Variants in KHDC1 observed in about 807,000 individuals in gnomAD.
The protein encoded by KHDC1 is KH homology domain-containing protein 1.
KHDC1 carries 21 observed loss-of-function variants against 24.7 expected under a neutral mutation model. That is an observed-to-expected ratio of 0.85 (90% CI 0.60 to 1.23). The LOEUF (loss-of-function observed/expected upper bound fraction) is 1.23. Among genes scored for constraint, KHDC1 ranks in the 50% most tolerant of loss-of-function variants. The pLI, the probability that KHDC1 is intolerant of heterozygous loss-of-function variation, is 0.00. For missense variants in KHDC1, 274 were observed against 298.5 expected (o/e 0.92, Z 0.61); for synonymous variants, 98 against 111.7 (o/e 0.88, Z 0.77).
At chr6:73,253,354 C>T (rs1766817011) in intron 2 of KHDC1, among the ~76,000 whole-genome samples, 1 of 150,684 alleles carries the variant, frequency 6.6e-6, no homozygotes, top group Non-Finnish European at 1.5e-5. Context: ...AGGAGATCAA[C>T]CATCCCGGCT....
chr6:73,241,930 G>A (rs1434203238), intron 4 of KHDC1, 125 bp downstream of exon 3: 13 of 1,154,422 alleles, frequency 1.1e-5, no homozygotes, highest in Non-Finnish European at 1.6e-5. Flanking sequence ...TCTTCCCAAT[G>A]GACTCTGGGA....
At chr6:73,296,572 T>A (rs889892562) in intron 1 of KHDC1, among the ~76,000 whole-genome samples, 1 of 152,136 alleles carries the variant, frequency 6.6e-6, no homozygotes, top group African/African-American at 2.4e-5. Flanking sequence ...CATAAGTGGG[T>A]TGCAAAAACT....
At chr6:73,305,269 T>G (rs61400658) in intron 1 of KHDC1, among the ~76,000 whole-genome samples, 14,202 of 151,026 alleles carry the variant, frequency 0.094, 762 homozygotes, top group East Asian at 0.19. Flanking sequence ...ATAAAAAATA[T>G]AGAGAGAGAT....
At chr6:73,290,794 ACTAT>A (rs1289165449) in intron 2 of KHDC1, 1 of 334,836 alleles carries the variant, frequency 3.0e-6, no homozygotes, top group East Asian at 7.4e-5. Context: ...TCTAGGGCTA[ACTAT>A]CAGCCTCTCT....
intron 2 of KHDC1, chr6:73,268,686 G>T (rs971145266): frequency 6.6e-6 from 1 of 152,382 alleles, no homozygotes; most frequent in Non-Finnish European, 1.5e-5. Flanking sequence ...GATACAGAGT[G>T]TTGACTGGTG....
chr6:73,259,616 C>A (rs1336011068), intron 2 of KHDC1, among the ~76,000 whole-genome samples: 1 of 152,150 alleles, frequency 6.6e-6, no homozygotes, highest in Admixed American at 6.6e-5. Flanking sequence ...GAAGCAGTCA[C>A]ATACTAGTTA....
chr6:73,254,532 G>A (rs530590474), intron 2 of KHDC1, among the ~76,000 whole-genome samples: 2 of 151,216 alleles, frequency 1.3e-5, no homozygotes, highest in Non-Finnish European at 3.0e-5. Flanking sequence ...GTAGCTATAA[G>A]AAATTACAAG....
intron 1 of KHDC1, chr6:73,292,116 A>C: frequency 6.3e-7 from 1 of 1,597,532 alleles, no homozygotes; most frequent in Non-Finnish European, 8.6e-7. Flanking sequence ...AACATGGTAG[A>C]CTTTGCTATG....
chr6:73,263,953 CTT>C (rs1264100916), intron 2 of KHDC1, among the ~76,000 whole-genome samples: 2 of 152,322 alleles, frequency 1.3e-5, no homozygotes, highest in Admixed American at 1.3e-4. Context: ...AATCCCAACA[CTT>C]TGGGAGGCCA....
intron 1 of KHDC1, chr6:73,292,471 G>T (rs1250875859): frequency 3.9e-6 from 3 of 772,146 alleles, no homozygotes; most frequent in Non-Finnish European, 7.3e-6. Context: ...GTTCACTCTG[G>T]GGAAAGCTGG....
At position 73,242,184 on chromosome 6, in the gene KHDC1, G is replaced by A; in HGVS notation, c.385C>T (p.Gln129Ter). 6.2e-7 allele frequency: 1 copy of A among 1,614,154 alleles called. No homozygotes were observed. The highest frequency in any genetic ancestry group is 8.5e-7 in the Non-Finnish European group (1 of 1,180,028). ...GTAGCTGTGAACCAACTCTCCAGCT[G>A]AATAAGGGTGTGGCTGTGCACCTCA... is the stretch of plus-strand genomic sequence containing the variant. The change falls in exon 4 of 5, where the codon CAG (glutamine) becomes TAG (stop). Residue 129 changes from glutamine to a stop codon, truncating the protein, a stop_gained. Coordinates refer to ENST00000370384, the Ensembl canonical transcript of KHDC1. LOFTEE classifies it high-confidence loss of function.
chr6:73,295,017 G>C (rs1767732918), intron 1 of KHDC1, among the ~76,000 whole-genome samples: 1 of 151,720 alleles, frequency 6.6e-6, no homozygotes, highest in Non-Finnish European at 1.5e-5. Context: ...CACCAGGTGT[G>C]GTGGCACACA....
At chr6:73,248,374 C>CTCTCTCTCTCCTCTATCTG (rs1020973185) in intron 2 of KHDC1, among the ~76,000 whole-genome samples, 1 of 151,926 alleles carries the variant, frequency 6.6e-6, no homozygotes, top group Middle Eastern at 3.2e-3. Context: ...GTCTCTCTCT[C>CTCTCTCTCTCCTCTATCTG]TCTCTCTCTC....
chr6:73,301,234 A>C (rs573407106), intron 1 of KHDC1: 6 of 152,162 alleles, frequency 3.9e-5, no homozygotes, highest in South Asian at 2.1e-4. Context: ...CAAAAAAAAA[A>C]CCTTGCCCTT....
At chr6:73,288,803 C>CAAA (rs33926109) in intron 2 of KHDC1, among the ~76,000 whole-genome samples, 1 of 78,566 alleles carries the variant, frequency 1.3e-5, no homozygotes, top group Non-Finnish European at 2.6e-5. Context: ...ACCCCCATCT[C>CAAA]AAAAAAAAAA....
chr6:73,288,338 G>C (rs1767559805), intron 2 of KHDC1, among the ~76,000 whole-genome samples: 1 of 152,152 alleles, frequency 6.6e-6, no homozygotes, highest in Non-Finnish European at 1.5e-5. Flanking sequence ...CAGTTTTCTT[G>C]GGCCGGGCAC....
At chr6:73,259,024 A>C (rs903634724) in intron 2 of KHDC1, among the ~76,000 whole-genome samples, 1 of 152,238 alleles carries the variant, frequency 6.6e-6, no homozygotes, top group African/African-American at 2.4e-5. Flanking sequence ...GCTTGCAGGA[A>C]GAATTTTTAA....
At chr6:73,259,187 G>A (rs769602289) in intron 2 of KHDC1, among the ~76,000 whole-genome samples, 4 of 151,792 alleles carry the variant, frequency 2.6e-5, no homozygotes, top group Non-Finnish European at 4.4e-5. Flanking sequence ...TTACTTTCCC[G>A]TGTGGCTATG....
At chr6:73,299,430 C>G (rs16883561) in intron 1 of KHDC1, 9,973 of 152,386 alleles carry the variant, frequency 0.065, 344 homozygotes, top group East Asian at 0.13. Flanking sequence ...CCAACGGAGC[C>G]GCTGACTGCG....
Sources: gnomAD v4.1 joint callset for allele counts (sites outside exome capture counted in the v4.1 genomes callset) on GRCh38, gnomAD v4.1.1 for gene constraint, MANE v1.5 for transcripts, NCBI Gene and HGNC (gene_info 2026-07-23, HGNC 2026-07-21) for gene names.